Variants in USP42 observed in about 807,000 individuals in gnomAD.
USP42 encodes the protein ubiquitin carboxyl-terminal hydrolase 42.
A neutral mutation model predicts 113.0 loss-of-function variants in USP42; 23 were observed. The observed-to-expected ratio is 0.20, with a 90% CI of 0.15 to 0.29. USP42 has a LOEUF of 0.29. Ranked by LOEUF, USP42 falls within the 10% of genes least tolerant of loss-of-function variation. USP42 has a pLI of 1.00. For missense variants in USP42, 2,174 were observed against 1,779.8 expected (o/e 1.22, Z -3.99); for synonymous variants, 933 against 699.0 (o/e 1.33, Z -5.28).
chr7:6,123,392 G>A (rs1008656597), intron 3 of USP42, among the ~76,000 whole-genome samples: 6 of 152,172 alleles, frequency 3.9e-5, no homozygotes, highest in Non-Finnish European at 7.4e-5. Context: ...GGCTGGGTGC[G>A]GTGGCTCACG....
In USP42 at chr7:6,150,162, A is replaced by C. The variant is rs770807025; in HGVS notation, c.1966A>C (p.Thr656Pro). The change falls in exon 13 of 18, where the codon ACC becomes CCC. Residue 656 changes from threonine (T) to proline (P), a missense_variant. Physicochemically the swap from Thr to Pro is conservative, Grantham distance 38. Coordinates refer to ENST00000306177, the MANE Select transcript of USP42 (RefSeq NM_032172.3). ...TCCGCACGAGCTTCAAGAACCCATG[A>C]CCCTAAACGGTGCTAATAGTGCAGA... ...ATPHELQEPMTLNGANSADSD... is the reference protein window; with the variant it reads ...ATPHELQEPMPLNGANSADSD... 1.2e-6 allele frequency: 2 copies of C among 1,613,884 alleles called. No individual in the cohort carries two copies. Among genetic ancestry groups the C allele is most frequent in the African/African-American group, 1.3e-5 (1 of 75,054 alleles).
chr7:6,152,772 A>C (rs892015822), intron 14 of USP42, among the ~76,000 whole-genome samples: 1 of 152,226 alleles, frequency 6.6e-6, no homozygotes, highest in African/African-American at 2.4e-5. Flanking sequence ...ATCAAAGGAC[A>C]AAGTTAATTT....
chr7:6,153,907 G>A lies in USP42; in HGVS notation c.2353G>A (p.Ala785Thr), dbSNP rs574852764. The A allele has an allele frequency of 1.7e-5, 27 of 1,595,462 alleles. No homozygotes were observed. Among genetic ancestry groups the A allele is most frequent in the South Asian group, 3.4e-5 (3 of 89,388 alleles). ...APPPRDPGTP[A>T]TKEGAWEAMA... ...GCCGCCCCGCGATCCCGGCACCCCC[G>A]CTACCAAAGAAGGCGCCTGGGAGGC... Residue 785 changes from alanine to threonine, a missense_variant, in exon 15 of 18, where the codon GCT becomes ACT. Ala to Thr is a moderately conservative substitution (Grantham distance 58). Transcript: ENST00000306177.
chr7:6,129,277 C>T (rs2128493507), intron 3 of USP42, among the ~76,000 whole-genome samples: 1 of 152,220 alleles, frequency 6.6e-6, no homozygotes, highest in East Asian at 1.9e-4. Flanking sequence ...TCTTCTAGGC[C>T]AGGCGTGGTG....
chr7:6,088,429 T>C, the USP42 span, among the ~76,000 whole-genome samples: 1 of 150,950 alleles, frequency 6.6e-6, no homozygotes, highest in East Asian at 1.9e-4. Context: ...CTAATTTTTA[T>C]ATATTTTTAG....
chr7:6,121,030 A>G (rs979951975), intron 3 of USP42, among the ~76,000 whole-genome samples: 18 of 152,000 alleles, frequency 1.2e-4, no homozygotes, highest in African/African-American at 4.4e-4. Context: ...TAATTCTAGT[A>G]GGTTTTTTTT....
chr7:6,157,786 T>C lies in USP42; in HGVS notation c.3943+731T>C, dbSNP rs1717385335. On this transcript the variant is annotated intron_variant, in intron 16 of 17. Transcript: ENST00000306177. The surrounding 1 kb of genome is among the most constrained non-coding windows in gnomAD (Gnocchi z 4.1). The stretch of plus-strand genomic sequence containing the variant: ...GCACCAGCCTCTGCTTGAGTGACAC[T>C]GCAGAGGCCTCCATGTGGCAGAGCG... 6.6e-6 allele frequency among the ~76,000 whole-genome samples: 1 copy of C among 152,228 alleles called. No individual in the cohort carries two copies. The highest frequency in any genetic ancestry group is 2.4e-5 in the African/African-American group (1 of 41,460).
rs1782732878 is a variant in USP42 at position 6,160,838 on chromosome 7, G to A, written c.*320G>A. The A allele has an allele frequency of 6.6e-6, 1 of 152,574 alleles. No homozygotes were observed. The highest frequency in any genetic ancestry group is 1.5e-5 in the Non-Finnish European group (1 of 68,032). 9.5% of individuals were successfully genotyped at this position (152,574 alleles called of 1,614,324 possible). A position where few individuals can be genotyped will look rare whatever the true frequency, so the allele number is the denominator to read the frequency against. The stretch of plus-strand genomic sequence containing the variant: ...TGCTGCTTAATTACAGACTCAGGTC[G>A]ATTACTTGTATTTCATGTAATGTTC... On this transcript the variant is annotated 3_prime_UTR_variant, in exon 18 of 18. Coordinates refer to ENST00000306177, the MANE Select transcript of USP42 (RefSeq NM_032172.3).
At chr7:6,136,182 T>C (rs970386563) in intron 4 of USP42, among the ~76,000 whole-genome samples, 31 of 151,956 alleles carry the variant, frequency 2.0e-4, no homozygotes, top group Admixed American at 2.0e-4. Flanking sequence ...TTTTGTACTT[T>C]TAGTACAGAT....
intron 3 of USP42, among the ~76,000 whole-genome samples, chr7:6,127,385 C>A (rs535994783): frequency 6.6e-6 from 1 of 150,878 alleles, no homozygotes; most frequent in Non-Finnish European, 1.5e-5. Flanking sequence ...AGATTTTTTC[C>A]TATGTTAATT....
At chr7:6,113,578 A>T (rs1314769859) in intron 2 of USP42, among the ~76,000 whole-genome samples, 2 of 152,058 alleles carry the variant, frequency 1.3e-5, no homozygotes, top group African/African-American at 4.8e-5. Context: ...TCAGATGGAG[A>T]ATGATTCTAC....
chr7:6,123,592 G>A (rs902687620), intron 3 of USP42, among the ~76,000 whole-genome samples: 1 of 152,072 alleles, frequency 6.6e-6, no homozygotes, highest in African/African-American at 2.4e-5. Context: ...AACCCCGGGA[G>A]GCAGAGCCTG....
rs1177285705 is a variant in USP42, at chr7:6,159,100, G to A, written c.3944-350G>A. 1.3e-5 allele frequency among the ~76,000 whole-genome samples: 2 copies of A among 152,162 alleles called. No homozygotes were observed. Among genetic ancestry groups the A allele is most frequent in the African/African-American group, 4.8e-5 (2 of 41,444 alleles). On this transcript the variant is annotated intron_variant, in intron 16 of 17. Coordinates refer to ENST00000306177, the MANE Select transcript of USP42 (RefSeq NM_032172.3). This position sits in a 1 kb window ranked among gnomAD's most constrained non-coding sequence, Gnocchi z 4.1. Reference sequence around the variant, plus strand: ...CTCACCCAGCGTCCTGTGGTCCTGCGGGTCCCCCTCTACCCTGGACTTCGG... The same window carrying A: ...CTCACCCAGCGTCCTGTGGTCCTGCAGGTCCCCCTCTACCCTGGACTTCGG...
intron 2 of USP42, among the ~76,000 whole-genome samples, chr7:6,113,844 A>G (rs1176387641): frequency 1.3e-5 from 2 of 151,820 alleles, no homozygotes; most frequent in Non-Finnish European, 1.5e-5. Flanking sequence ...AATAGTCTCG[A>G]TCTCCTGACC....
At chr7:6,152,922 G>A (rs1782156734) in intron 14 of USP42, 2 of 985,206 alleles carry the variant, frequency 2.0e-6, no homozygotes, top group South Asian at 4.7e-5. Flanking sequence ...GAGGAAAGGA[G>A]GAGGCCCTGT....
chr7:6,102,178 C>T (rs1357924096), upstream of USP42, among the ~76,000 whole-genome samples: 10 of 144,276 alleles, frequency 6.9e-5, no homozygotes, highest in East Asian at 6.2e-4. Context: ...TGCAGTGTCG[C>T]GATCTCGGCT....
the USP42 span, among the ~76,000 whole-genome samples, chr7:6,087,122 C>A: frequency 6.7e-6 from 1 of 148,684 alleles, no homozygotes. Flanking sequence ...ACCTCTGCCT[C>A]CCATGTTCAA....
chr7:6,158,270 G>T lies in USP42; in HGVS notation c.3944-1180G>T, dbSNP rs1301931961. On this transcript the variant is annotated intron_variant, in intron 16 of 17. Transcript: ENST00000306177. The surrounding 1 kb of genome is among the most constrained non-coding windows in gnomAD (Gnocchi z 4.2). Reference sequence around the variant, plus strand: ...GAGGTGAGTGGCTGCGGCAGGGCAGGGACCGTGTGGCTCGCAAAGCGGAAA... The same window carrying T: ...GAGGTGAGTGGCTGCGGCAGGGCAGTGACCGTGTGGCTCGCAAAGCGGAAA... Among the ~76,000 whole-genome samples, 2 of 152,242 alleles carry T rather than the reference G, an allele frequency of 1.3e-5. No homozygotes were observed. Among genetic ancestry groups the T allele is most frequent in the Non-Finnish European group, 2.9e-5 (2 of 68,044 alleles).
At chr7:6,127,410 G>A (rs1780600271) in intron 3 of USP42, among the ~76,000 whole-genome samples, 1 of 150,342 alleles carries the variant, frequency 6.7e-6, no homozygotes, top group African/African-American at 2.4e-5. Flanking sequence ...CCTGTAAGTT[G>A]TATTGTTTAA....
Sources: gnomAD v4.1 joint callset for allele counts (sites outside exome capture counted in the v4.1 genomes callset) on GRCh38, gnomAD v4.1.1 for gene constraint, Gnocchi (gnomAD v3.1) non-coding constraint, MANE v1.5 for transcripts, NCBI Gene and HGNC (gene_info 2026-07-23, HGNC 2026-07-21) for gene names.